Variants in UMODL1 observed in about 807,000 individuals in gnomAD.
UMODL1 encodes uromodulin like 1.
UMODL1 carries 128 observed loss-of-function variants against 136.3 expected under a neutral mutation model. That is an observed-to-expected ratio of 0.94 (90% CI 0.81 to 1.09). The LOEUF (loss-of-function observed/expected upper bound fraction) is 1.09, where lower values mean the gene tolerates loss of function less well. UMODL1 is among the 50% of genes least tolerant of loss of function. The pLI is 0.00. For missense variants in UMODL1, 1,766 were observed against 1,725.6 expected (o/e 1.02, Z -0.41); for synonymous variants, 721 against 720.0 (o/e 1.00, Z -0.02).
At position 42,109,577 on chromosome 21, in the gene UMODL1, T is replaced by C. The variant is rs1235747863; in HGVS notation, c.1535T>C (p.Val512Ala). 6.2e-7 allele frequency: 1 copy of C among 1,611,512 alleles called. No homozygotes were observed. The highest frequency in any genetic ancestry group is 8.5e-7 in the Non-Finnish European group (1 of 1,180,022). ...CCCCTGGCAGACTGGGACGAGTGTG[T>C]GGACAGCGCGGAACACGACTGCTCA... ...GTRVQDWDEC[V>A]DSAEHDCSPA... Residue 512 changes from valine to alanine, a missense_variant, in exon 10 of 23, where the codon GTG becomes GCG. Coordinates refer to ENST00000408910, the MANE Select transcript of UMODL1 (RefSeq NM_001004416.3).
At chr21:42,108,016 C>T (rs866645915) in intron 9 of UMODL1, among the ~76,000 whole-genome samples, 12 of 152,362 alleles carry the variant, frequency 7.9e-5, no homozygotes, top group Admixed American at 3.9e-4. Context: ...GCTCTTCCTG[C>T]TCCCACACCT....
intron 2 of UMODL1, among the ~76,000 whole-genome samples, chr21:42,077,397 G>A (rs1314181539): frequency 2.0e-5 from 3 of 151,968 alleles, no homozygotes; most frequent in Non-Finnish European, 4.4e-5. Context: ...AATTCTCTCA[G>A]CCCCGAAGAA....
upstream of UMODL1, among the ~76,000 whole-genome samples, chr21:42,069,918 C>T (rs754560356): frequency 1.4e-4 from 22 of 152,144 alleles, no homozygotes; most frequent in East Asian, 3.9e-4. Context: ...CGTATGAAAA[C>T]GTTTTTTAAT....
chr21:42,071,883 C>CAAAAAAAA (rs71274595), intron 1 of UMODL1, among the ~76,000 whole-genome samples: 1 of 137,662 alleles, frequency 7.3e-6, no homozygotes. Context: ...CCATGTGTAC[C>CAAAAAAAA]AAAAAAAAAA....
chr21:42,077,782 G>A (rs2066312795), intron 2 of UMODL1, among the ~76,000 whole-genome samples: 1 of 152,188 alleles, frequency 6.6e-6, no homozygotes, highest in African/African-American at 2.4e-5. Flanking sequence ...GTGGAAACAA[G>A]CCTAAAAACA....
intron 4 of UMODL1, 89 bp from the exon 5 acceptor site, chr21:42,088,205 A>T: frequency 7.3e-7 from 1 of 1,374,888 alleles, no homozygotes; most frequent in Non-Finnish European, 1.0e-6. Flanking sequence ...GTGTGTGGAC[A>T]GTTCATTTCA....
At chr21:42,093,441 G>A (rs892976660) in intron 6 of UMODL1, 1 of 157,362 alleles carries the variant, frequency 6.4e-6, no homozygotes, top group Non-Finnish European at 1.4e-5. Context: ...CTGTTCTCAA[G>A]CTCCCAGCCT....
intron 2 of UMODL1, among the ~76,000 whole-genome samples, chr21:42,079,408 C>T (rs1052360109): frequency 2.6e-5 from 4 of 152,240 alleles, no homozygotes; most frequent in Non-Finnish European, 5.9e-5. Flanking sequence ...GATGCCCTTG[C>T]AGTCAGGGAG....
Position 42,111,079 on chromosome 21 carries a change from C to A in UMODL1, c.1857C>A (p.Val619=). 1.2e-6 allele frequency: 2 copies of A among 1,613,106 alleles called. No individual in the cohort carries two copies. The highest frequency in any genetic ancestry group is 1.7e-6 in the Non-Finnish European group (2 of 1,179,730). ...PSPRRGGSNV[V]GYDRNNTGKG... Reference sequence around the variant, plus strand: ...CCAGAAGAGGGGGCAGCAATGTGGTCGGGTATGACAGGAACAACACAGGAA... The same window carrying A: ...CCAGAAGAGGGGGCAGCAATGTGGTAGGGTATGACAGGAACAACACAGGAA... Residue 619 remains valine, a synonymous_variant, in exon 11 of 23, where the codon GTC becomes GTA. Transcript: ENST00000408910.
At chr21:42,089,765 A>G (rs1295632774) in intron 5 of UMODL1, among the ~76,000 whole-genome samples, 1 of 152,230 alleles carries the variant, frequency 6.6e-6, no homozygotes, top group East Asian at 1.9e-4. Context: ...CATTTGGGCC[A>G]AGGGAGGGGC....
intron 7 of UMODL1, chr21:42,101,724 G>A (rs1249245522): frequency 1.8e-5 from 8 of 456,608 alleles, no homozygotes; most frequent in African/African-American, 6.0e-5. Flanking sequence ...TTCTTGAGAA[G>A]TTGGACTTTC....
rs753140607 is a variant in UMODL1 at position 42,122,815 on chromosome 21, T to C, written c.2828-16T>C. On this transcript the variant is annotated splice_polypyrimidine_tract_variant and intron_variant, in intron 16 of 22. Coordinates refer to ENST00000408910, the MANE Select transcript of UMODL1 (RefSeq NM_001004416.3). The surrounding 1 kb of genome is among the most constrained non-coding windows in gnomAD (Gnocchi z 4.3). ...CACAGAGCCACTCTTTGCCTTTTCC[T>C]CCTTGTGCCTTGCAGGTGACTCTCC... 4 of 1,573,824 alleles carry C rather than the reference T, an allele frequency of 2.5e-6. No individual in the cohort carries two copies. Among genetic ancestry groups the C allele is most frequent in the Non-Finnish European group, 3.5e-6 (4 of 1,158,474 alleles).
chr21:42,068,569 C>T (rs764174345), upstream of UMODL1, among the ~76,000 whole-genome samples: 8 of 152,162 alleles, frequency 5.3e-5, no homozygotes, highest in African/African-American at 1.9e-4. The surrounding 1 kb of genome is among the most constrained non-coding windows in gnomAD (Gnocchi z 5.5). Context: ...CCCAGCTGGC[C>T]ACCCCTTGGA....
At chr21:42,069,229 AACACACACACACACAC>A (rs61712292), upstream of UMODL1, among the ~76,000 whole-genome samples, 17 of 136,402 alleles carry the variant, frequency 1.2e-4, no homozygotes, top group African/African-American at 4.1e-4. Flanking sequence ...CACAGACAGA[AACACACACACACACAC>A]ACACACACAC....
intron 12 of UMODL1, among the ~76,000 whole-genome samples, chr21:42,112,690 A>C (rs1000309371): frequency 1.3e-5 from 2 of 150,718 alleles, no homozygotes; most frequent in African/African-American, 4.9e-5. Context: ...GCTGTTCTGC[A>C]CCCACAGTTC....
chr21:42,109,042 C>T (rs2066773900), intron 9 of UMODL1, among the ~76,000 whole-genome samples: 1 of 144,228 alleles, frequency 6.9e-6, no homozygotes, highest in Non-Finnish European at 1.5e-5. Context: ...CCACTGGCCC[C>T]CACCCCCGGC....
At chr21:42,072,150 A>G (rs140744657) in intron 1 of UMODL1, among the ~76,000 whole-genome samples, 328 of 152,376 alleles carry the variant, frequency 2.2e-3, no homozygotes, top group African/African-American at 7.3e-3. Context: ...CTCACAGGGC[A>G]GAGTCACCAC....
At chr21:42,087,394 C>T (rs1162188428) in intron 4 of UMODL1, among the ~76,000 whole-genome samples, 1 of 152,206 alleles carries the variant, frequency 6.6e-6, no homozygotes, top group African/African-American at 2.4e-5. Flanking sequence ...CTTTGGAGTT[C>T]CCAGTGGAGG....
upstream of UMODL1, among the ~76,000 whole-genome samples, chr21:42,067,313 A>C (rs560762940): frequency 6.6e-6 from 1 of 152,110 alleles, no homozygotes; most frequent in Admixed American, 6.5e-5. Flanking sequence ...TAATGGCCTT[A>C]CCTACATTTA....
Sources: gnomAD v4.1 joint callset for allele counts (sites outside exome capture counted in the v4.1 genomes callset) on GRCh38, gnomAD v4.1.1 for gene constraint, Gnocchi (gnomAD v3.1) non-coding constraint, MANE v1.5 for transcripts, NCBI Gene and HGNC (gene_info 2026-07-23, HGNC 2026-07-21) for gene names.